The following SLC39A11 variants were observed in gnomAD, a reference collection of about 807,000 sequenced individuals.
SLC39A11 encodes zinc transporter ZIP11.
In SLC39A11, 33 loss-of-function variants were observed where a neutral mutation model predicts 36.1. The ratio of observed to expected loss-of-function variants is 0.91; its 90% CI spans 0.69 to 1.22. SLC39A11 has a LOEUF of 1.22. SLC39A11 is among the 50% of genes most tolerant of loss of function. The pLI is 0.00. For missense variants in SLC39A11, 432 were observed against 430.3 expected, an observed-to-expected ratio of 1.00 and a Z score of -0.03; for synonymous variants, 166 against 170.3, an observed-to-expected ratio of 0.97 and a Z score of 0.20.
chr17:72,872,257 G>A (rs2080672911), intron 5 of SLC39A11, among the ~76,000 whole-genome samples: 1 of 152,118 alleles, frequency 6.6e-6, no homozygotes, highest in South Asian at 2.1e-4. Context: ...TCCCTAGCTT[G>A]CCACCCACAG....
intron 6 of SLC39A11, among the ~76,000 whole-genome samples, chr17:72,827,479 G>A (rs2078077299): frequency 6.6e-6 from 1 of 152,158 alleles, no homozygotes. Flanking sequence ...CTTCAAATGG[G>A]TGAATTGTAG....
intron 7 of SLC39A11, among the ~76,000 whole-genome samples, chr17:72,717,437 T>C (rs1290444399): frequency 6.6e-6 from 1 of 152,080 alleles, no homozygotes. Flanking sequence ...TAGGGGAGGA[T>C]CCTCCCTCGG....
At chr17:72,660,277 G>A (rs1047106216) in intron 7 of SLC39A11, among the ~76,000 whole-genome samples, 2 of 152,214 alleles carry the variant, frequency 1.3e-5, no homozygotes, top group African/African-American at 2.4e-5. Flanking sequence ...GAGGCAGCCC[G>A]AGGTCCTCCG....
chr17:73,056,567 G>A (rs2059676604), intron 3 of SLC39A11, among the ~76,000 whole-genome samples: 1 of 152,202 alleles, frequency 6.6e-6, no homozygotes, highest in South Asian at 2.1e-4. Flanking sequence ...TCTGGGATCT[G>A]TGGTGGCTGG....
chr17:72,677,443 A>T (rs1177688248), intron 7 of SLC39A11, among the ~76,000 whole-genome samples: 3 of 152,212 alleles, frequency 2.0e-5, no homozygotes, highest in Non-Finnish European at 4.4e-5. Flanking sequence ...CATTCTGAGA[A>T]CCCAGATCTC....
At chr17:72,729,244 T>C (rs934808892) in intron 7 of SLC39A11, among the ~76,000 whole-genome samples, 1 of 148,976 alleles carries the variant, frequency 6.7e-6, no homozygotes, top group African/African-American at 2.5e-5. Context: ...ATTTATTTAG[T>C]TTTATTTTTT....
intron 3 of SLC39A11, among the ~76,000 whole-genome samples, chr17:73,038,816 T>C (rs2059015510): frequency 6.8e-6 from 1 of 146,062 alleles, no homozygotes; most frequent in Non-Finnish European, 1.5e-5. Context: ...GGGGACGAGT[T>C]GAGGTTGAGA....
chr17:72,815,271 A>G (rs1248747467), intron 6 of SLC39A11, among the ~76,000 whole-genome samples: 1 of 152,224 alleles, frequency 6.6e-6, no homozygotes, highest in African/African-American at 2.4e-5. Context: ...AGACATTGAT[A>G]TGAGAAAATC....
At chr17:72,874,838 C>T (rs1162202579) in intron 5 of SLC39A11, among the ~76,000 whole-genome samples, 1 of 152,228 alleles carries the variant, frequency 6.6e-6, no homozygotes, top group African/African-American at 2.4e-5. Flanking sequence ...TCCAACCCAA[C>T]TGTGGACAAA....
At chr17:72,897,092 T>C (rs1352754924) in intron 5 of SLC39A11, among the ~76,000 whole-genome samples, 1 of 131,682 alleles carries the variant, frequency 7.6e-6, no homozygotes, top group African/African-American at 3.0e-5. Flanking sequence ...AACAGAAAAG[T>C]CCTCAAGGGT....
intron 3 of SLC39A11, among the ~76,000 whole-genome samples, chr17:73,082,116 TAAAAAAAAAGA>T (rs963036171): frequency 1.2e-5 from 1 of 80,354 alleles, no homozygotes; most frequent in Non-Finnish European, 2.2e-5. Context: ...CTACTGAAAC[TAAAAAAAAAGA>T]AAAAAAAAAA....
chr17:72,897,522 C>T (rs1462008305), intron 5 of SLC39A11, among the ~76,000 whole-genome samples: 1 of 152,000 alleles, frequency 6.6e-6, no homozygotes, highest in Admixed American at 6.6e-5. Flanking sequence ...ACGTTGGTAC[C>T]CCTAATTCAG....
At chr17:73,042,464 T>C (rs899692053) in intron 3 of SLC39A11, among the ~76,000 whole-genome samples, 1 of 152,062 alleles carries the variant, frequency 6.6e-6, no homozygotes, top group African/African-American at 2.4e-5. Flanking sequence ...ACTGTGTACT[T>C]AAGGAGGACA....
intron 4 of SLC39A11, among the ~76,000 whole-genome samples, chr17:72,991,835 G>A (rs2089204637): frequency 6.6e-6 from 1 of 152,190 alleles, no homozygotes; most frequent in African/African-American, 2.4e-5. Flanking sequence ...TCGCAAGAAT[G>A]CCTGAAGAAC....
Position 72,983,810 on chromosome 17 carries a change from G to A in SLC39A11, c.307-35935C>T, listed in dbSNP as rs76793210. 3.8e-3 allele frequency among the ~76,000 whole-genome samples: 572 copies of A among 152,272 alleles called. 3 individuals carry two copies. The highest frequency in any genetic ancestry group is 0.013 in the African/African-American group (540 of 41,538). Reference sequence around the variant, plus strand: ...GATGCCCAACGGTGAGAACGAAGTCGGAAGAAAAGAGGGGTTGCTGAGAGC... The same window carrying A: ...GATGCCCAACGGTGAGAACGAAGTCAGAAGAAAAGAGGGGTTGCTGAGAGC... On this transcript the variant is annotated intron_variant, in intron 4 of 9. Coordinates refer to ENST00000255559, the MANE Select transcript of SLC39A11 (RefSeq NM_139177.4).
chr17:72,970,376 C>G (rs368228558), intron 4 of SLC39A11, among the ~76,000 whole-genome samples: 7 of 152,308 alleles, frequency 4.6e-5, no homozygotes, highest in Admixed American at 2.0e-4. Context: ...GAGCTTATTA[C>G]AAGTAACAAG....
chr17:73,026,517 C>CAAAA (rs548390962), intron 4 of SLC39A11, among the ~76,000 whole-genome samples: 42 of 75,398 alleles, frequency 5.6e-4, no homozygotes, highest in African/African-American at 1.4e-3. Flanking sequence ...GAAACTACAT[C>CAAAA]AAAAAAAAAA....
At chr17:73,014,630 T>C (rs2090709973) in intron 4 of SLC39A11, among the ~76,000 whole-genome samples, 1 of 152,204 alleles carries the variant, frequency 6.6e-6, no homozygotes, top group African/African-American at 2.4e-5. Flanking sequence ...GCACTCCAAC[T>C]TGGGTGACAG....
chr17:73,006,651 A>AACACACAC (rs144245639), intron 4 of SLC39A11, among the ~76,000 whole-genome samples: 10 of 149,026 alleles, frequency 6.7e-5, no homozygotes, highest in African/African-American at 2.2e-4. Flanking sequence ...TCAGTTTGTA[A>AACACACAC]ACACACACAC....
Sources: allele counts gnomAD v4.1 joint callset (sites outside exome capture counted in the v4.1 genomes callset), GRCh38; gene constraint gnomAD v4.1.1; transcripts MANE v1.5; gene names NCBI Gene and HGNC (gene_info 2026-07-23, HGNC 2026-07-21).